The following ADHFE1 variants were observed in gnomAD, a reference collection of about 807,000 sequenced individuals.
ADHFE1 encodes alcohol dehydrogenase iron containing 1, also known as hydroxyacid-oxoacid transhydrogenase, mitochondrial.
In ADHFE1, 37 loss-of-function variants were observed where a neutral mutation model predicts 54.8. That is an observed-to-expected ratio of 0.68 (90% CI 0.52 to 0.89). ADHFE1 has a LOEUF of 0.89. Ranked by LOEUF, ADHFE1 falls within the 40% of genes least tolerant of loss-of-function variation. ADHFE1 has a pLI of 0.00. For synonymous variants in ADHFE1, 203 were observed against 229.3 expected, an observed-to-expected ratio of 0.89 and a Z score of 1.04; for missense variants, 601 against 591.2, an observed-to-expected ratio of 1.02 and a Z score of -0.17.
chr8:66,460,178 C>A, intron 12 of ADHFE1, 130 bp from the exon 13 acceptor site: 1 of 1,205,002 alleles, frequency 8.3e-7, no homozygotes, highest in Non-Finnish European at 1.2e-6. Context: ...GGGAGGCACA[C>A]GATGGCCCCG....
intron 1 of ADHFE1, among the ~76,000 whole-genome samples, chr8:66,435,475 A>T (rs926578189): frequency 6.6e-6 from 1 of 151,732 alleles, no homozygotes; most frequent in Non-Finnish European, 1.5e-5. Context: ...GCTGGCACTC[A>T]TCTTGCTTCA....
At chr8:66,466,103 C>G (rs1233931581) in intron 13 of ADHFE1, among the ~76,000 whole-genome samples, 2 of 144,664 alleles carry the variant, frequency 1.4e-5, no homozygotes, top group Non-Finnish European at 3.0e-5. Flanking sequence ...GAGTCTTGCT[C>G]TGTTGGCCAG....
chr8:66,452,244 G>A lies in ADHFE1; in HGVS notation c.887+139G>A, dbSNP rs914646877. Reference sequence around the variant, plus strand: ...AGTCAGTGGATGCGCAGAAGCCCCAGACACCAGCAGCCTCTGGAGGGACCC... The same window carrying A: ...AGTCAGTGGATGCGCAGAAGCCCCAAACACCAGCAGCCTCTGGAGGGACCC... On this transcript the variant is annotated intron_variant, in intron 9 of 13. Coordinates refer to ENST00000396623, the MANE Select transcript of ADHFE1 (RefSeq NM_144650.3). The A allele has an allele frequency of 5.8e-6, 7 of 1,211,930 alleles. No homozygotes were observed. The Admixed American group carries it at 1.8e-4, about 32-fold the overall frequency. 75.1% of individuals were successfully genotyped at this position (1,211,930 alleles called of 1,614,324 possible).
chr8:66,459,239 G>T (rs983473728), intron 12 of ADHFE1, among the ~76,000 whole-genome samples: 1 of 151,906 alleles, frequency 6.6e-6, no homozygotes, highest in African/African-American at 2.4e-5. Flanking sequence ...TTACTTCTTG[G>T]CAGTGAATGT....
At chr8:66,447,473 G>A in intron 7 of ADHFE1, 132 bp downstream of exon 7, 1 of 734,814 alleles carries the variant, frequency 1.4e-6, no homozygotes, top group Non-Finnish European at 2.2e-6. Context: ...AGAGCAAGGT[G>A]ACGAAAGTCA....
chr8:66,457,290 G>A, intron 12 of ADHFE1, 124 bp downstream of exon 12: 2 of 747,060 alleles, frequency 2.7e-6, no homozygotes, highest in Non-Finnish European at 4.2e-6. Context: ...ACCAGCCTGG[G>A]CAACATGGCA....
At chr8:66,443,562 G>A (rs1010442682) in intron 3 of ADHFE1, among the ~76,000 whole-genome samples, 3 of 152,136 alleles carry the variant, frequency 2.0e-5, no homozygotes, top group Admixed American at 6.6e-5. Flanking sequence ...ACAGGCATAA[G>A]CCACCGCGCC....
intron 1 of ADHFE1, among the ~76,000 whole-genome samples, chr8:66,433,731 C>T (rs1225529109): frequency 1.3e-5 from 2 of 152,214 alleles, no homozygotes; most frequent in Non-Finnish European, 2.9e-5. Flanking sequence ...CTTAAAATGT[C>T]CCATGACAAA....
chr8:66,456,278 G>T (rs900959336), intron 10 of ADHFE1, among the ~76,000 whole-genome samples: 1 of 152,222 alleles, frequency 6.6e-6, no homozygotes, highest in Non-Finnish European at 1.5e-5. Context: ...AGCCTGTCAG[G>T]CTAGAATAAT....
rs1483414934 is a variant in ADHFE1, at chr8:66,456,875, A to G, written c.1045A>G (p.Asn349Asp). 62 of 1,577,238 alleles carry G rather than the reference A, an allele frequency of 3.9e-5. No homozygotes were observed. Among genetic ancestry groups the G allele is most frequent in the Non-Finnish European group, 5.1e-5 (60 of 1,165,900 alleles). Reference protein sequence around the residue: ...LVKMYKAKDYNVDHPLVPHGL... With the variant: ...LVKMYKAKDYDVDHPLVPHGL... The stretch of plus-strand genomic sequence containing the variant: ...GAAGATGTATAAAGCAAAGGATTAC[A>G]ATGTGGATCACCCACTGGTGGTAAA... The change falls in exon 11 of 14, where the codon AAT becomes GAT. Residue 349 changes from asparagine (N) to aspartate (D), a missense_variant. By Grantham distance (23) the Asn-to-Asp change is conservative. Transcript: ENST00000396623.
rs1420455850 is a variant in ADHFE1 at position 66,460,373 on chromosome 8, T to A, written c.1228T>A (p.Phe410Ile). 7 of 1,614,146 alleles carry A rather than the reference T, an allele frequency of 4.3e-6. No homozygotes were observed. The highest frequency in any genetic ancestry group is 5.9e-6 in the Non-Finnish European group (7 of 1,180,000). ...GGTGTTGGCAGACACGCTCCGGAAATTCTTATTCGATCTGGATGTTGATGA... is the reference window on the plus strand; with the variant it reads ...GGTGTTGGCAGACACGCTCCGGAAAATCTTATTCGATCTGGATGTTGATGA... ...GLVLADTLRK[F>I]LFDLDVDDGL... Residue 410 changes from phenylalanine (F) to isoleucine (I), a missense_variant, in exon 13 of 14, where the codon TTC (phenylalanine) becomes ATC (isoleucine). Phe to Ile is a conservative substitution (Grantham distance 21). Coordinates refer to ENST00000396623, the MANE Select transcript of ADHFE1 (RefSeq NM_144650.3).
chr8:66,440,103 AT>A (rs1408570271), intron 1 of ADHFE1, 58 bp from the exon 2 acceptor site: 1 of 1,546,240 alleles, frequency 6.5e-7, no homozygotes, highest in Non-Finnish European at 8.9e-7. Context: ...AAGGCTTTTC[AT>A]TTTTTGGTCT....
chr8:66,442,436 G>T (rs776611932), intron 2 of ADHFE1, among the ~76,000 whole-genome samples: 6 of 150,152 alleles, frequency 4.0e-5, no homozygotes, highest in Non-Finnish European at 5.9e-5. Flanking sequence ...TCAGCCTCCC[G>T]AGTAGCTCGG....
In ADHFE1 at chr8:66,439,709, T is replaced by C; in HGVS notation, c.60-453T>C. ...AGCCTGCCTGAAGAAAAATTAGACA[T>C]CTTGAAGACACTGGGAAATATATAA... On this transcript the variant is annotated intron_variant, in intron 1 of 13. Transcript: ENST00000396623. This position sits in a 1 kb window ranked among gnomAD's most constrained non-coding sequence, Gnocchi z 4.4. 3.0e-6 allele frequency: 3 copies of C among 989,346 alleles called. No homozygotes were observed. Among genetic ancestry groups the C allele is most frequent in the Non-Finnish European group, 3.6e-6 (3 of 832,714 alleles). 61.3% of individuals were successfully genotyped at this position (989,346 alleles called of 1,614,324 possible).
At chr8:66,444,528 GA>G (rs1272849466) in intron 4 of ADHFE1, 65 bp from the exon 5 acceptor site, 1 of 1,608,264 alleles carries the variant, frequency 6.2e-7, no homozygotes, top group Non-Finnish European at 8.5e-7. Context: ...TGTACAACGT[GA>G]GTTTGCCAGA....
chr8:66,432,659 G>GTCTTC, intron 1 of ADHFE1, 84 bp downstream of exon 1: 2 of 1,240,440 alleles, frequency 1.6e-6, no homozygotes, highest in Non-Finnish European at 2.0e-6. Flanking sequence ...ATCCTGCGCA[G>GTCTTC]TCTTCTCCGC....
At chr8:66,435,100 G>A (rs1243100482) in intron 1 of ADHFE1, among the ~76,000 whole-genome samples, 5 of 152,150 alleles carry the variant, frequency 3.3e-5, no homozygotes, top group African/African-American at 1.2e-4. Context: ...TGACAAACTA[G>A]TTAGTAAAAT....
rs562591467 is a variant in ADHFE1, at chr8:66,445,105, A to C, written c.354-113A>C. 4.7e-4 allele frequency: 528 copies of C among 1,116,820 alleles called. 4 individuals carry two copies. Among genetic ancestry groups the C allele is most frequent in the South Asian group, 3.2e-3 (187 of 59,024 alleles). The allele number at this position is 1,116,820 out of a possible 1,614,324, so 69.2% of individuals were successfully genotyped here. A position where few individuals can be genotyped will look rare whatever the true frequency, so the allele number is the denominator to read the frequency against. On this transcript the variant is annotated intron_variant, in intron 5 of 13. Coordinates refer to ENST00000396623, the MANE Select transcript of ADHFE1 (RefSeq NM_144650.3). ...AACAGAATGAGACTCCGTCTCAAAA[A>C]AAAAACAAAAACAAAAAAAACCCCA...
At chr8:66,468,159 GC>G in intron 13 of ADHFE1, 109 bp from the exon 14 acceptor site, 1 of 724,476 alleles carries the variant, frequency 1.4e-6, no homozygotes, top group Non-Finnish European at 2.3e-6. Context: ...TAAAGATATG[GC>G]GTTTATCAAG....
Sources: allele counts gnomAD v4.1 joint callset (sites outside exome capture counted in the v4.1 genomes callset), GRCh38; gene constraint gnomAD v4.1.1; non-coding constraint Gnocchi (gnomAD v3.1); transcripts MANE v1.5; gene names NCBI Gene and HGNC (gene_info 2026-07-23, HGNC 2026-07-21).